Variants in SLC22A3 observed in about 807,000 individuals in gnomAD.
SLC22A3 encodes EMT organic cation transporter 3.
A neutral mutation model predicts 59.1 loss-of-function variants in SLC22A3; 51 were observed. The ratio of observed to expected loss-of-function variants is 0.86; its 90% CI spans 0.69 to 1.09. The LOEUF is 1.09. Ranked by LOEUF, SLC22A3 falls within the 50% of genes least tolerant of loss-of-function variation. SLC22A3 has a pLI of 0.00. For missense variants in SLC22A3, 711 were observed against 726.3 expected (o/e 0.98, Z 0.24); for synonymous variants, 325 against 292.0 (o/e 1.11, Z -1.15).
intron 1 of SLC22A3, among the ~76,000 whole-genome samples, chr6:160,364,078 G>C (rs1490228569): frequency 1.3e-5 from 2 of 152,134 alleles, no homozygotes; most frequent in Non-Finnish European, 2.9e-5. Context: ...ATAATAGAGG[G>C]AGAACATGGT....
chr6:160,365,585 A>G (rs541789099), intron 1 of SLC22A3, among the ~76,000 whole-genome samples: 1 of 152,204 alleles, frequency 6.6e-6, no homozygotes, highest in South Asian at 2.1e-4. Context: ...GGAGGCTTGT[A>G]TTAGCTAGTG....
intron 1 of SLC22A3, among the ~76,000 whole-genome samples, chr6:160,377,854 A>C (rs1210562645): frequency 6.6e-6 from 1 of 152,242 alleles, no homozygotes; most frequent in Non-Finnish European, 1.5e-5. Context: ...TCTTTGAATC[A>C]GTTCACTATT....
chr6:160,445,993 AG>A (rs1788728055), intron 9 of SLC22A3, among the ~76,000 whole-genome samples: 1 of 152,182 alleles, frequency 6.6e-6, no homozygotes, highest in African/African-American at 2.4e-5. Flanking sequence ...GAGTGGCCCA[AG>A]CCCCCCAGAA....
chr6:160,405,316 A>G (rs1786968786), intron 2 of SLC22A3, among the ~76,000 whole-genome samples: 3 of 152,124 alleles, frequency 2.0e-5, no homozygotes, highest in Admixed American at 2.0e-4. Flanking sequence ...GCTCTACGTC[A>G]TATATCATCA....
At chr6:160,351,449 T>C (rs187924601) in intron 1 of SLC22A3, among the ~76,000 whole-genome samples, 1 of 152,354 alleles carries the variant, frequency 6.6e-6, no homozygotes, top group Admixed American at 6.5e-5. Context: ...GTGCTTCTTT[T>C]GGTTTGTTTT....
chr6:160,404,221 C>A (rs146948216), intron 2 of SLC22A3, among the ~76,000 whole-genome samples: 1,560 of 151,188 alleles, frequency 0.01, 29 homozygotes, highest in African/African-American at 0.035. Flanking sequence ...ACTCCTGAAA[C>A]TAATAAGTGA....
At chr6:160,424,046 T>A (rs1441914811) in intron 5 of SLC22A3, among the ~76,000 whole-genome samples, 1 of 152,130 alleles carries the variant, frequency 6.6e-6, no homozygotes, top group Non-Finnish European at 1.5e-5. Flanking sequence ...ATATGTCACC[T>A]TCTTTAGTGA....
chr6:160,367,738 C>T (rs1487670463), intron 1 of SLC22A3, among the ~76,000 whole-genome samples: 2 of 152,210 alleles, frequency 1.3e-5, no homozygotes, highest in East Asian at 1.9e-4. Flanking sequence ...CATCCAGGCA[C>T]ATCATGGATG....
chr6:160,422,827 CCTT>C (rs1057280990), intron 5 of SLC22A3, among the ~76,000 whole-genome samples: 17 of 151,544 alleles, frequency 1.1e-4, no homozygotes, highest in Admixed American at 2.0e-4. Context: ...AACTATGTCA[CCTT>C]CTTTTTTTTT....
At chr6:160,351,342 C>A (rs889024967) in intron 1 of SLC22A3, among the ~76,000 whole-genome samples, 12 of 152,214 alleles carry the variant, frequency 7.9e-5, no homozygotes, top group African/African-American at 2.9e-4. Context: ...GTCTCGATCT[C>A]CTGACCTCGT....
chr6:160,397,987 T>A lies in SLC22A3; in HGVS notation c.438T>A (p.Leu146=), dbSNP rs1406236631. ...TTTCTTTGTTTTCTCAGTTTGACCT[T>A]GTCTGTGTCAATGCGTGGATGCTGG... The part of the protein sequence containing the change: ...AHSTIVSEFD[L]VCVNAWMLDL... Residue 146 remains leucine, a synonymous_variant, in exon 2 of 11, where the codon CTT becomes CTA. Coordinates refer to ENST00000275300, the MANE Select transcript of SLC22A3 (RefSeq NM_021977.4). 6.2e-7 allele frequency: 1 copy of A among 1,613,206 alleles called. No homozygotes were observed. The highest frequency in any genetic ancestry group is 8.5e-7 in the Non-Finnish European group (1 of 1,179,428).
At chr6:160,352,460 G>A (rs1350365916) in intron 1 of SLC22A3, among the ~76,000 whole-genome samples, 1 of 152,150 alleles carries the variant, frequency 6.6e-6, no homozygotes, top group Non-Finnish European at 1.5e-5. Context: ...TGCCCAGGGA[G>A]TGTCTTCAAG....
intron 1 of SLC22A3, among the ~76,000 whole-genome samples, chr6:160,370,348 T>A (rs1785356631): frequency 6.6e-6 from 1 of 152,222 alleles, no homozygotes; most frequent in South Asian, 2.1e-4. Flanking sequence ...CTCAAGGACA[T>A]CAACTCTTGT....
At chr6:160,450,640 G>T (rs1176675282) in intron 10 of SLC22A3, among the ~76,000 whole-genome samples, 1 of 152,072 alleles carries the variant, frequency 6.6e-6, no homozygotes, top group East Asian at 1.9e-4. Context: ...ATATTAAAAT[G>T]AAATATTCAC....
intron 4 of SLC22A3, 55 bp downstream of exon 4, chr6:160,408,976 C>T: frequency 6.9e-7 from 1 of 1,454,822 alleles, no homozygotes; most frequent in South Asian, 1.2e-5. Context: ...AAATTAGACT[C>T]CAAACAGACA....
At chr6:160,378,166 C>T (rs1164029861) in intron 1 of SLC22A3, among the ~76,000 whole-genome samples, 1 of 152,076 alleles carries the variant, frequency 6.6e-6, no homozygotes, top group Non-Finnish European at 1.5e-5. Flanking sequence ...ATATGTTGAG[C>T]TCAAAAATAT....
At chr6:160,356,409 G>A (rs1185083949) in intron 1 of SLC22A3, among the ~76,000 whole-genome samples, 2 of 152,234 alleles carry the variant, frequency 1.3e-5, no homozygotes, top group Non-Finnish European at 2.9e-5. Context: ...GAATAGAACT[G>A]CTGGCTCTTT....
intron 5 of SLC22A3, among the ~76,000 whole-genome samples, chr6:160,412,407 C>A (rs1377483584): frequency 2.0e-5 from 3 of 152,054 alleles, no homozygotes; most frequent in African/African-American, 7.2e-5. Context: ...CCTCCCCAGC[C>A]CTTGAAGCTT....
chr6:160,391,113 A>T (rs1354457551), intron 1 of SLC22A3, among the ~76,000 whole-genome samples: 1 of 152,134 alleles, frequency 6.6e-6, no homozygotes, highest in Non-Finnish European at 1.5e-5. Context: ...TTTCATCTTA[A>T]CTCATTACAT....
Sources: allele counts gnomAD v4.1 joint callset (sites outside exome capture counted in the v4.1 genomes callset), GRCh38; gene constraint gnomAD v4.1.1; transcripts MANE v1.5; gene names NCBI Gene and HGNC (gene_info 2026-07-23, HGNC 2026-07-21).